The following TMPRSS4 variants were observed in gnomAD, a reference collection of about 807,000 sequenced individuals.
TMPRSS4 encodes the protein transmembrane protease serine 4.
TMPRSS4 carries 45 observed loss-of-function variants against 56.4 expected under a neutral mutation model. That is an observed-to-expected ratio of 0.80 (90% confidence interval 0.63 to 1.02). The LOEUF is 1.02. Among genes scored for constraint, TMPRSS4 ranks in the 50% least tolerant of loss-of-function variants. The pLI is 0.00. For missense variants in TMPRSS4, 546 were observed against 556.7 expected, an observed-to-expected ratio of 0.98 and a Z score of 0.19; for synonymous variants, 205 against 211.0, an observed-to-expected ratio of 0.97 and a Z score of 0.25.
chr11:118,118,022 G>A lies in TMPRSS4; in HGVS notation c.*109G>A. ...AGAGTCCCCTTGGGTACACCCCTCT[G>A]CCCACAGCCTCAGCATTTCTTGGAG... On this transcript the variant is annotated 3_prime_UTR_variant, in exon 13 of 13. Coordinates refer to ENST00000437212, the MANE Select transcript of TMPRSS4 (RefSeq NM_019894.4). The A allele has an allele frequency of 6.3e-7, 1 of 1,590,988 alleles. No individual in the cohort carries two copies. The highest frequency in any genetic ancestry group is 8.5e-7 in the Non-Finnish European group (1 of 1,172,414).
At chr11:118,080,283 G>A (rs769123094) in intron 1 of TMPRSS4, among the ~76,000 whole-genome samples, 4 of 152,214 alleles carry the variant, frequency 2.6e-5, no homozygotes, top group African/African-American at 9.6e-5. Context: ...TCTCCAGGCA[G>A]GGAAAGCAGG....
At chr11:118,099,471 GAAAGAAAGAA>G (rs1447274817) in intron 3 of TMPRSS4, among the ~76,000 whole-genome samples, 562 of 23,854 alleles carry the variant, frequency 0.024, 3 homozygotes, top group African/African-American at 0.06. Flanking sequence ...AAGAAAGAAA[GAAAGAAAGAA>G]AAAGAAAGAA....
intron 1 of TMPRSS4, among the ~76,000 whole-genome samples, chr11:118,078,999 G>A (rs1322467968): frequency 1.3e-5 from 2 of 152,156 alleles, no homozygotes; most frequent in Non-Finnish European, 2.9e-5. Context: ...CAGCTGGGTA[G>A]TACACCCAAC....
chr11:118,124,587 G>A (rs1270713276), downstream of TMPRSS4, among the ~76,000 whole-genome samples: 1 of 151,822 alleles, frequency 6.6e-6, no homozygotes, highest in Non-Finnish European at 1.5e-5. Flanking sequence ...AAATAGACTC[G>A]AAAGCTGATA....
chr11:118,107,699 TG>T, intron 5 of TMPRSS4, 74 bp from the exon 6 acceptor site: 7 of 1,275,784 alleles, frequency 5.5e-6, no homozygotes, highest in Non-Finnish European at 7.8e-6. Context: ...CTCCTGAAAG[TG>T]GGGGCCAACT....
intron 2 of TMPRSS4, among the ~76,000 whole-genome samples, chr11:118,097,593 C>T (rs144007692): frequency 1.3e-5 from 2 of 152,306 alleles, no homozygotes; most frequent in East Asian, 3.9e-4. Context: ...CTGATACTTA[C>T]TGATATTAAC....
intron 1 of TMPRSS4, among the ~76,000 whole-genome samples, chr11:118,078,491 G>A (rs752747936): frequency 2.8e-4 from 43 of 152,220 alleles, no homozygotes; most frequent in Non-Finnish European, 4.4e-5. Context: ...GGTTGTAGCT[G>A]ATGATCAGAA....
intron 1 of TMPRSS4, among the ~76,000 whole-genome samples, chr11:118,093,542 CTG>C (rs1369957318): frequency 6.6e-6 from 1 of 152,192 alleles, no homozygotes; most frequent in Non-Finnish European, 1.5e-5. Flanking sequence ...CCATGTGACT[CTG>C]TGGCTGTGTG....
intron 7 of TMPRSS4, among the ~76,000 whole-genome samples, chr11:118,110,623 T>A (rs1253578855): frequency 2.0e-5 from 3 of 152,226 alleles, no homozygotes. Context: ...TCTGCCCGCC[T>A]GAGCCTCCCA....
At chr11:118,100,073 G>A (rs1036555262) in intron 3 of TMPRSS4, among the ~76,000 whole-genome samples, 3 of 151,890 alleles carry the variant, frequency 2.0e-5, no homozygotes, top group African/African-American at 7.3e-5. Context: ...CAGGACACCC[G>A]AGACAGGGAT....
At chr11:118,089,908 A>G (rs999736487) in intron 1 of TMPRSS4, among the ~76,000 whole-genome samples, 3 of 152,050 alleles carry the variant, frequency 2.0e-5, no homozygotes, top group Admixed American at 1.3e-4. Flanking sequence ...GTGCTGTGGC[A>G]CCATCTCACT....
chr11:118,087,857 A>G (rs1945673193), intron 1 of TMPRSS4, among the ~76,000 whole-genome samples: 1 of 152,214 alleles, frequency 6.6e-6, no homozygotes, highest in Non-Finnish European at 1.5e-5. Context: ...GGGAAGAACA[A>G]ATGCTAATAT....
At position 118,115,223 on chromosome 11, in the gene TMPRSS4, A is replaced by T. The variant is rs369196391; in HGVS notation, c.1095A>T (p.Glu365Asp). 2.4e-5 allele frequency: 38 copies of T among 1,612,812 alleles called. No individual in the cohort carries two copies. In the African/African-American group the frequency reaches 2.8e-4, roughly 12 times the overall value. Reference protein sequence around the residue: ...RCNADDAYQGEVTEKMMCAGI... With the variant: ...RCNADDAYQGDVTEKMMCAGI... ...ATGCAGACGATGCGTACCAGGGGGA[A>T]GTCACCGAGAAGATGATGTGTGCAG... Residue 365 changes from glutamate to aspartate, a missense_variant, in exon 11 of 13, where the codon GAA (glutamate) becomes GAT (aspartate). Physicochemically the swap from Glu to Asp is conservative, Grantham distance 45. Transcript: ENST00000437212.
chr11:118,085,304 A>G (rs1176300764), intron 1 of TMPRSS4, among the ~76,000 whole-genome samples: 3 of 149,272 alleles, frequency 2.0e-5, no homozygotes, highest in African/African-American at 7.4e-5. Context: ...GCTCACTGCA[A>G]CCTCCGCCTC....
At chr11:118,077,907 G>A (rs186629059) in intron 1 of TMPRSS4, among the ~76,000 whole-genome samples, 172 of 151,208 alleles carry the variant, frequency 1.1e-3, no homozygotes, top group African/African-American at 3.6e-3. Flanking sequence ...CAGCTACTTG[G>A]GAGGCTGAGG....
chr11:118,115,324 A>G (rs746174206), intron 11 of TMPRSS4, 44 bp downstream of exon 11: 4 of 1,593,134 alleles, frequency 2.5e-6, no homozygotes, highest in African/African-American at 1.3e-5. Context: ...AATAGGGTTT[A>G]GGTCCTAGAG....
In TMPRSS4 at chr11:118,099,203, C is replaced by T. The variant is rs1401561208; in HGVS notation, c.157+105C>T. On this transcript the variant is annotated intron_variant, in intron 3 of 12. Transcript: ENST00000437212. ...ATAAGTGACAGTCCCCCACCCCTGC[C>T]CTCACCCCCTCAGTAAGAGGCAGTC... 4.6e-6 allele frequency: 4 copies of T among 863,862 alleles called. No homozygotes were observed. The South Asian group carries it at 5.0e-5, about 11-fold the overall frequency. 53.5% of individuals were successfully genotyped at this position (863,862 alleles called of 1,614,324 possible).
chr11:118,117,971 G>T lies in TMPRSS4; in HGVS notation c.*58G>T, dbSNP rs1349416778. 16 of 1,611,652 alleles carry T rather than the reference G, an allele frequency of 9.9e-6. No homozygotes were observed. The highest frequency in any genetic ancestry group is 1.4e-5 in the Non-Finnish European group (16 of 1,179,956). On this transcript the variant is annotated 3_prime_UTR_variant, in exon 13 of 13. Coordinates refer to ENST00000437212, the MANE Select transcript of TMPRSS4 (RefSeq NM_019894.4). ...TTCCTTCCTGCCCTGCCCACCTGGG[G>T]ATCCCCCAAAGTCAGACACAGAGCA...
chr11:118,110,587 A>G (rs58670022), intron 7 of TMPRSS4, among the ~76,000 whole-genome samples: 8,323 of 152,100 alleles, frequency 0.055, 566 homozygotes, highest in African/African-American at 0.15. Context: ...TGGCCAGGCT[A>G]GTCTCGAACT....
Sources: allele counts gnomAD v4.1 joint callset (sites outside exome capture counted in the v4.1 genomes callset), GRCh38; gene constraint gnomAD v4.1.1; transcripts MANE v1.5; gene names NCBI Gene and HGNC (gene_info 2026-07-23, HGNC 2026-07-21).